The following FBN2 variants were observed in gnomAD, a reference collection of about 807,000 sequenced individuals.
FBN2 encodes fibrillin-2.
Under a neutral mutation model 355.6 loss-of-function variants are expected in FBN2, and 105 were observed. The ratio of observed to expected loss-of-function variants is 0.30; its 90% CI spans 0.25 to 0.35. The LOEUF (loss-of-function observed/expected upper bound fraction) is 0.35, where lower values mean the gene tolerates loss of function less well. FBN2 is among the 10% of genes least tolerant of loss of function. The pLI, the probability that FBN2 is intolerant of heterozygous loss-of-function variation, is 1.00. For synonymous variants in FBN2, 1,350 were observed against 1,301.2 expected (o/e 1.04, Z -0.81); for missense variants, 3,280 against 3,758.7 (o/e 0.87, Z 3.33).
At chr5:128,377,571 CA>C (rs1752111368) in intron 13 of FBN2, among the ~76,000 whole-genome samples, 180 bp downstream of exon 13, 2 of 149,186 alleles carry the variant, frequency 1.3e-5, no homozygotes, top group Admixed American at 1.3e-4. Flanking sequence ...AACCAAAAAA[CA>C]AACAAAAAAC....
At position 128,537,466 on chromosome 5, in the gene FBN2, C is replaced by G; in HGVS notation, c.138G>C (p.Gln46His). The change falls in exon 1 of 65, where the codon CAG becomes CAC. Residue 46 changes from glutamine to histidine, a missense_variant. By Grantham distance (24) the Gln-to-His change is conservative. Coordinates refer to ENST00000262464, the MANE Select transcript of FBN2 (RefSeq NM_001999.4). The part of the protein sequence containing the change: ...KPPRPQPPPQ[Q>H]VRSATAGSEG... ...CAGAGCCTGCTGTAGCGGACCGAAC[C>G]TGTTGCGGCGGCGGCTGGGGCCGGG... The G allele has an allele frequency of 6.2e-7, 1 of 1,604,848 alleles. No individual in the cohort carries two copies. The highest frequency in any genetic ancestry group is 8.5e-7 in the Non-Finnish European group (1 of 1,176,964).
Position 128,273,838 on chromosome 5 carries a change from A to G in FBN2, c.7840+2T>C. On this transcript the variant is annotated splice_donor_variant, in intron 61 of 64. Coordinates refer to ENST00000262464, the MANE Select transcript of FBN2 (RefSeq NM_001999.4). LOFTEE classifies it high-confidence loss of function. ...TAAGAATTTTTGAGCAAATCAACTA[A>G]CCTTCACAGTTCAGTCCGGTGGCAT... The G allele has an allele frequency of 6.2e-7, 1 of 1,613,760 alleles. No homozygotes were observed. The highest frequency in any genetic ancestry group is 1.1e-5 in the South Asian group (1 of 91,078).
At chr5:128,356,963 T>C (rs1022333496) in intron 20 of FBN2, among the ~76,000 whole-genome samples, 2 of 152,196 alleles carry the variant, frequency 1.3e-5, no homozygotes, top group African/African-American at 4.8e-5. Flanking sequence ...GAGATTTGAT[T>C]ATATTGCTGC....
At chr5:128,462,248 T>C (rs1754577806) in intron 6 of FBN2, among the ~76,000 whole-genome samples, 1 of 152,202 alleles carries the variant, frequency 6.6e-6, no homozygotes, top group Non-Finnish European at 1.5e-5. Flanking sequence ...AATCATCGTA[T>C]AAAAAAGATC....
At chr5:128,291,399 T>G (rs1019456493) in intron 49 of FBN2, 130 bp downstream of exon 49, 5 of 1,043,372 alleles carry the variant, frequency 4.8e-6, no homozygotes, top group African/African-American at 4.7e-5. Context: ...GAGACCTAAA[T>G]TTTTAACTTG....
At chr5:128,415,145 G>C (rs188090818) in intron 7 of FBN2, among the ~76,000 whole-genome samples, 25 of 152,216 alleles carry the variant, frequency 1.6e-4, no homozygotes, top group African/African-American at 5.8e-4. Context: ...AATGTGTAAT[G>C]ATCAAGTCAG....
chr5:128,310,202 T>A, intron 39 of FBN2, 94 bp from the exon 40 acceptor site: 1 of 1,071,700 alleles, frequency 9.3e-7, no homozygotes, highest in Non-Finnish European at 1.4e-6. Flanking sequence ...GGTGATTCTC[T>A]AAATCCCCAT....
At chr5:128,399,748 G>A (rs1356085620) in intron 8 of FBN2, among the ~76,000 whole-genome samples, 2 of 151,864 alleles carry the variant, frequency 1.3e-5, no homozygotes, top group Non-Finnish European at 2.9e-5. Context: ...AAACATACAG[G>A]TAATTTTAAA....
chr5:128,369,899 TG>T (rs1330682100), intron 15 of FBN2, among the ~76,000 whole-genome samples: 1 of 152,178 alleles, frequency 6.6e-6, no homozygotes, highest in Non-Finnish European at 1.5e-5. Context: ...AACTACCATA[TG>T]TGCTCTTGGC....
At chr5:128,496,225 T>A (rs1257560278) in intron 5 of FBN2, among the ~76,000 whole-genome samples, 1 of 151,684 alleles carries the variant, frequency 6.6e-6, no homozygotes, top group Non-Finnish European at 1.5e-5. Flanking sequence ...TACAAAGATA[T>A]CAAAAGAAAA....
At chr5:128,271,896 T>C (rs1033245339) in intron 62 of FBN2, 103 bp downstream of exon 62, 3 of 1,382,584 alleles carry the variant, frequency 2.2e-6, no homozygotes, top group African/African-American at 2.8e-5. Flanking sequence ...AAGTCTAAAA[T>C]TCAAAGGCTA....
chr5:128,380,618 A>T (rs2126962299), intron 11 of FBN2, among the ~76,000 whole-genome samples: 1 of 152,196 alleles, frequency 6.6e-6, no homozygotes, highest in East Asian at 1.9e-4. Flanking sequence ...CGTTCACTTA[A>T]TTTTGGTCAA....
intron 39 of FBN2, among the ~76,000 whole-genome samples, chr5:128,310,402 ATTTTTTTTTTTT>A (rs199690802): frequency 0.015 from 352 of 23,282 alleles, 3 homozygotes; most frequent in South Asian, 0.065. Flanking sequence ...ATATATATAT[ATTTTTTTTTTTT>A]TTTTTTTATT....
In FBN2 at chr5:128,439,370, T is replaced by A. The variant is rs143220118; in HGVS notation, c.952+7111A>T. 6.6e-5 allele frequency among the ~76,000 whole-genome samples: 10 copies of A among 152,320 alleles called. No homozygotes were observed. In the East Asian group the frequency reaches 1.9e-3, roughly 29 times the overall value. Reference sequence around the variant, plus strand: ...CTCTTATCAGGAATTTGTGAGAGTGTCTATTTCTTAACACCCTCACCAATA... The same window carrying A: ...CTCTTATCAGGAATTTGTGAGAGTGACTATTTCTTAACACCCTCACCAATA... On this transcript the variant is annotated intron_variant, in intron 7 of 64. Coordinates refer to ENST00000262464, the MANE Select transcript of FBN2 (RefSeq NM_001999.4).
chr5:128,456,915 T>C (rs540896943), intron 6 of FBN2, among the ~76,000 whole-genome samples: 2 of 152,148 alleles, frequency 1.3e-5, no homozygotes, highest in South Asian at 4.2e-4. Flanking sequence ...CTGCAACATC[T>C]CTCCATCAAG....
chr5:128,337,941 C>T (rs1262166131), intron 27 of FBN2, 56 bp downstream of exon 27: 6 of 1,599,538 alleles, frequency 3.8e-6, no homozygotes, highest in African/African-American at 2.7e-5. Context: ...CAGAACTGAT[C>T]CCTGGTCTTT....
chr5:128,483,781 GTTCTT>G (rs1202135460), intron 5 of FBN2, among the ~76,000 whole-genome samples: 1 of 152,086 alleles, frequency 6.6e-6, no homozygotes, highest in Non-Finnish European at 1.5e-5. Context: ...TAAATCAATG[GTTCTT>G]AAAACATTTT....
At chr5:128,488,351 CGTAA>C (rs781286355) in intron 5 of FBN2, among the ~76,000 whole-genome samples, 52 of 152,166 alleles carry the variant, frequency 3.4e-4, no homozygotes, top group African/African-American at 1.1e-3. Context: ...ATGAATTGTC[CGTAA>C]GTTTCAATCT....
intron 7 of FBN2, among the ~76,000 whole-genome samples, chr5:128,425,620 G>C (rs1382962295): frequency 2.6e-5 from 4 of 152,228 alleles, no homozygotes; most frequent in Non-Finnish European, 5.9e-5. Context: ...TCTTTTATCA[G>C]TACTCTGAGG....
Sources: gnomAD v4.1 joint callset for allele counts (sites outside exome capture counted in the v4.1 genomes callset) on GRCh38, gnomAD v4.1.1 for gene constraint, MANE v1.5 for transcripts, NCBI Gene and HGNC (gene_info 2026-07-23, HGNC 2026-07-21) for gene names.